DAB1: variants seen among roughly 807,000 people sequenced by gnomAD.
DAB1 encodes DAB adaptor protein 1.
A neutral mutation model predicts 64.6 loss-of-function variants in DAB1; 15 were observed. The ratio of observed to expected loss-of-function variants is 0.23; its 90% CI spans 0.16 to 0.36. DAB1 has a LOEUF of 0.36. DAB1 is among the 10% of genes least tolerant of loss of function. The pLI is 1.00. For missense variants in DAB1, 596 were observed against 706.7 expected (o/e 0.84, Z 1.78); for synonymous variants, 235 against 251.9 (o/e 0.93, Z 0.64).
intron 2 of DAB1, among the ~76,000 whole-genome samples, chr1:57,166,816 T>C (rs1055038923): frequency 7.9e-5 from 12 of 152,108 alleles, no homozygotes; most frequent in Non-Finnish European, 1.6e-4. Context: ...TCAGGAATGG[T>C]GCCCATGAGC....
At chr1:57,758,505 T>C (rs1278187977) in intron 6 of DAB1, among the ~76,000 whole-genome samples, 2 of 152,206 alleles carry the variant, frequency 1.3e-5, no homozygotes, top group African/African-American at 2.4e-5. Flanking sequence ...ATGTGCTGGA[T>C]ACGGATTCTA....
intron 4 of DAB1, among the ~76,000 whole-genome samples, chr1:57,096,288 A>C (rs1170063360): frequency 6.6e-6 from 1 of 152,204 alleles, no homozygotes; most frequent in Non-Finnish European, 1.5e-5. Flanking sequence ...CTCTTTGCTT[A>C]AAAGCTTACT....
chr1:58,526,601 C>CAAA (rs10574530), intron 2 of DAB1, among the ~76,000 whole-genome samples: 10,073 of 120,892 alleles, frequency 0.083, 406 homozygotes, highest in Middle Eastern at 0.11. Context: ...CTATGGCTAG[C>CAAA]AAAAAAAAAA....
intron 4 of DAB1, among the ~76,000 whole-genome samples, chr1:58,283,770 C>A (rs549556687): frequency 3.3e-5 from 5 of 152,268 alleles, no homozygotes; most frequent in Admixed American, 3.3e-4. Flanking sequence ...TTTTTTCCTC[C>A]CACAAGCTTC....
exon 2 of DAB1, chr1:57,826,130 C>G (rs1422405925): frequency 1.3e-5 from 2 of 152,154 alleles, no homozygotes; most frequent in African/African-American, 2.4e-5. Flanking sequence ...AACAGAGAAC[C>G]AATCAGTCTG....
intron 4 of DAB1, among the ~76,000 whole-genome samples, chr1:58,340,082 TAAG>T (rs1214642797): frequency 6.6e-6 from 1 of 152,132 alleles, no homozygotes; most frequent in Non-Finnish European, 1.5e-5. Context: ...TTGTAAAAAA[TAAG>T]GAGAGAGCTA....
intron 7 of DAB1, among the ~76,000 whole-genome samples, chr1:57,488,751 G>A (rs1018548881): frequency 6.6e-6 from 1 of 151,978 alleles, no homozygotes; most frequent in African/African-American, 2.4e-5. Context: ...TAACATAAGA[G>A]AGTAACATAC....
At position 57,665,827 on chromosome 1, in the gene DAB1, T is replaced by C. The variant is rs117528507; in HGVS notation, n.552-16162A>G. Reference sequence around the variant, plus strand: ...TGGGTTACAGGATTGGTTTTTTTTTTCTTCCCTTTTTTTTTAATTATCTGT... The same window carrying C: ...TGGGTTACAGGATTGGTTTTTTTTTCCTTCCCTTTTTTTTTAATTATCTGT... On this transcript the variant is annotated intron_variant and non_coding_transcript_variant, in intron 6 of 20. Coordinates refer to the DAB1 transcript ENST00000485760. Among the ~76,000 whole-genome samples the C allele has an allele frequency of 6.3e-3, 948 of 150,614 alleles. 7 individuals are homozygous for C. Among genetic ancestry groups the C allele is most frequent in the South Asian group, 0.034 (164 of 4,770 alleles).
rs374425784 is a variant in DAB1, at chr1:57,416,805, C to T, written c.-137+7125G>A. On this transcript the variant is annotated intron_variant, in intron 1 of 14. Coordinates refer to ENST00000371236, the MANE Select transcript of DAB1 (RefSeq NM_001365792.1). ...GCAGAAACTTATTGAGCATCTACTACATTCCAGACACCGGAGTTAAAAGGG... is the reference window on the plus strand; with the variant it reads ...GCAGAAACTTATTGAGCATCTACTATATTCCAGACACCGGAGTTAAAAGGG... Among the ~76,000 whole-genome samples the T allele has an allele frequency of 5.0e-4, 76 of 152,294 alleles. No individual in the cohort carries two copies. The South Asian group carries it at 0.01, about 21-fold the overall frequency.
intron 2 of DAB1, among the ~76,000 whole-genome samples, chr1:58,523,816 G>A (rs1646306662): frequency 6.6e-6 from 1 of 152,156 alleles, no homozygotes; most frequent in African/African-American, 2.4e-5. Flanking sequence ...GGAGAATGGT[G>A]TGAAGCTGGG....
At chr1:57,231,819 A>C (rs1316281327) in intron 2 of DAB1, among the ~76,000 whole-genome samples, 1 of 152,212 alleles carries the variant, frequency 6.6e-6, no homozygotes, top group Non-Finnish European at 1.5e-5. Flanking sequence ...AAGGGCAGGC[A>C]AATAGGTACT....
At chr1:57,284,809 T>C (rs560978560) in intron 2 of DAB1, among the ~76,000 whole-genome samples, 233 of 152,314 alleles carry the variant, frequency 1.5e-3, no homozygotes, top group Non-Finnish European at 3.0e-3. Context: ...TGAGCAGTCA[T>C]GACCCTGAGT....
chr1:57,693,041 C>T (rs1646782225), intron 6 of DAB1, among the ~76,000 whole-genome samples: 1 of 152,078 alleles, frequency 6.6e-6, no homozygotes, highest in Non-Finnish European at 1.5e-5. Flanking sequence ...TTTGTTTCCT[C>T]TAGGATCAAG....
intron 4 of DAB1, among the ~76,000 whole-genome samples, chr1:58,261,856 C>A (rs1377248061): frequency 1.3e-5 from 2 of 152,284 alleles, no homozygotes; most frequent in South Asian, 2.1e-4. Context: ...CATGCCCAGC[C>A]TTTCAGACCA....
At chr1:57,114,731 C>A (rs1254785110) in intron 4 of DAB1, among the ~76,000 whole-genome samples, 2 of 152,196 alleles carry the variant, frequency 1.3e-5, no homozygotes, top group African/African-American at 4.8e-5. Flanking sequence ...AGTGGATTCA[C>A]TGAGGTCCTC....
chr1:58,442,635 AACCTGAG>A (rs1645024551), intron 3 of DAB1, among the ~76,000 whole-genome samples: 1 of 152,224 alleles, frequency 6.6e-6, no homozygotes, highest in African/African-American at 2.4e-5. Flanking sequence ...AGCTCAGAAA[AACCTGAG>A]TTTAAATCCT....
At chr1:57,056,333 TAA>T (rs903018252) in intron 9 of DAB1, among the ~76,000 whole-genome samples, 6,863 of 117,178 alleles carry the variant, frequency 0.059, 212 homozygotes, top group Non-Finnish European at 0.067. Flanking sequence ...TCCTCATCTT[TAA>T]AAAAAAAAAA....
chr1:58,295,155 C>A (rs190152078), intron 4 of DAB1, among the ~76,000 whole-genome samples: 80 of 152,084 alleles, frequency 5.3e-4, no homozygotes, highest in African/African-American at 1.9e-3. Flanking sequence ...TCCTGGTCTC[C>A]TCCTCCAAAA....
At chr1:57,836,589 CT>C (rs1374591738) in intron 1 of DAB1, among the ~76,000 whole-genome samples, 2 of 152,264 alleles carry the variant, frequency 1.3e-5, no homozygotes, top group East Asian at 3.9e-4. Context: ...AAATGTGAAC[CT>C]TTTTGCAGTG....
Sources: allele counts gnomAD v4.1 joint callset (sites outside exome capture counted in the v4.1 genomes callset), GRCh38; gene constraint gnomAD v4.1.1; transcripts MANE v1.5; gene names NCBI Gene and HGNC (gene_info 2026-07-23, HGNC 2026-07-21).